Variants in NHS observed in about 807,000 individuals in gnomAD.
NHS encodes NHS actin remodeling regulator.
NHS carries 5 observed loss-of-function variants against 72.5 expected under a neutral mutation model. The ratio of observed to expected loss-of-function variants is 0.07; its 90% CI spans 0.04 to 0.14. The LOEUF is 0.14. Among genes scored for constraint, NHS ranks in the 10% least tolerant of loss-of-function variants. The probability of loss-of-function intolerance (pLI) is 1.00; values close to 1 mark genes in which losing one functional copy is unlikely to be tolerated. For missense variants in NHS, 1,072 were observed against 1,355.7 expected (o/e 0.79, Z 3.29); for synonymous variants, 464 against 547.7 (o/e 0.85, Z 2.13).
At chrX:17,485,686 C>A (rs2064964775) in intron 1 of NHS, among the ~76,000 whole-genome samples, 1 of 111,590 alleles carries the variant, frequency 9.0e-6, no homozygotes, top group African/African-American at 3.3e-5. Context: ...TTCCCAAGCC[C>A]CAGAAAAGCA....
chrX:17,711,107 A>G (rs1198965777), intron 3 of NHS, among the ~76,000 whole-genome samples: 1 of 112,434 alleles, frequency 8.9e-6, no homozygotes, highest in Non-Finnish European at 1.9e-5. Context: ...TCTTCCCTGC[A>G]CTTCAAAGCC....
intron 1 of NHS, among the ~76,000 whole-genome samples, chrX:17,546,938 G>A (rs1203113150): frequency 8.9e-6 from 1 of 112,145 alleles, no homozygotes; most frequent in Non-Finnish European, 1.9e-5. Context: ...GGTTGACCTT[G>A]ACTCAACAGA....
At chrX:17,627,675 T>C (rs923923185) in intron 1 of NHS, among the ~76,000 whole-genome samples, 1 of 112,612 alleles carries the variant, frequency 8.9e-6, no homozygotes, top group African/African-American at 3.2e-5. Flanking sequence ...TGAATGGTCT[T>C]GCTCTTAGGA....
At chrX:17,443,740 G>A (rs1347252960) in intron 1 of NHS, among the ~76,000 whole-genome samples, 1 of 112,173 alleles carries the variant, frequency 8.9e-6, no homozygotes, top group Non-Finnish European at 1.9e-5. Flanking sequence ...GTGGGTGATT[G>A]AAACCACATT....
chrX:17,416,242 A>G (rs1234122195), intron 1 of NHS, among the ~76,000 whole-genome samples: 2 of 111,384 alleles, frequency 1.8e-5, no homozygotes, highest in East Asian at 2.8e-4. Flanking sequence ...TGCTTAACAA[A>G]TGCCTATAAC....
At chrX:17,506,668 G>A (rs2146927864) in intron 1 of NHS, among the ~76,000 whole-genome samples, 1 of 111,620 alleles carries the variant, frequency 9.0e-6, no homozygotes, top group East Asian at 2.8e-4. Context: ...AATTCCTTGA[G>A]AGAGAGGGTA....
rs764716111 is a variant in NHS at position 17,718,645 on chromosome X, AGAAG to A, written c.853-689_853-686del. ...AAGGAGGGAAGGAAAAAAGGAAGGA[AGAAG>A]GAAGGAAGGGAAGTAGGAAAGGAAG... On this transcript the variant is annotated intron_variant, in intron 3 of 8. Coordinates refer to ENST00000676302, the MANE Select transcript of NHS (RefSeq NM_001291867.2). Among the ~76,000 whole-genome samples the A allele has an allele frequency of 8.5e-4, 82 of 96,449 alleles. 1 individual carries two copies. The East Asian group carries it at 0.025, about 29-fold the overall frequency. 83.8% of individuals were successfully genotyped at this position (96,449 alleles called of 115,157 possible). A position where few individuals can be genotyped will look rare whatever the true frequency, so the allele number is the denominator to read the frequency against.
At chrX:17,641,325 C>A in intron 1 of NHS, among the ~76,000 whole-genome samples, 1 of 111,664 alleles carries the variant, frequency 9.0e-6, no homozygotes, top group Non-Finnish European at 1.9e-5. Context: ...CAGGCCCAGC[C>A]ACTGATGGAC....
intron 1 of NHS, among the ~76,000 whole-genome samples, chrX:17,505,496 G>A (rs776762447): frequency 8.1e-5 from 9 of 111,698 alleles, no homozygotes; most frequent in Non-Finnish European, 1.3e-4. Flanking sequence ...TTGCTCATCC[G>A]AAATAGCTGA....
intron 1 of NHS, among the ~76,000 whole-genome samples, chrX:17,442,099 C>T (rs1265170121): frequency 8.9e-6 from 1 of 112,347 alleles, no homozygotes; most frequent in African/African-American, 3.2e-5. Flanking sequence ...CTGACATAAA[C>T]AATAAGTAAG....
chrX:17,662,890 A>G (rs1446023087), intron 1 of NHS, among the ~76,000 whole-genome samples: 1 of 112,302 alleles, frequency 8.9e-6, no homozygotes, highest in Admixed American at 9.4e-5. Context: ...TTTATTGTAA[A>G]TAGAAGCAAA....
chrX:17,689,440 T>C, intron 2 of NHS, among the ~76,000 whole-genome samples: 1 of 111,696 alleles, frequency 9.0e-6, no homozygotes. Flanking sequence ...CTTCTGAAAA[T>C]CTTTCTTTCC....
At chrX:17,397,015 A>G (rs2064478843) in intron 1 of NHS, among the ~76,000 whole-genome samples, 1 of 112,688 alleles carries the variant, frequency 8.9e-6, no homozygotes, top group African/African-American at 3.2e-5. Context: ...CTTGGCTTAC[A>G]GTACTGTTGA....
chrX:17,563,320 T>G (rs1327316120), intron 1 of NHS, among the ~76,000 whole-genome samples: 1 of 112,509 alleles, frequency 8.9e-6, no homozygotes, highest in Non-Finnish European at 1.9e-5. Context: ...TCAGTTAATG[T>G]TTAATGGGCT....
chrX:17,406,419 C>T (rs779155032), intron 1 of NHS, among the ~76,000 whole-genome samples: 3 of 111,309 alleles, frequency 2.7e-5, no homozygotes, highest in Non-Finnish European at 3.8e-5. Flanking sequence ...TCTAAACAAG[C>T]GGGTCTGCAA....
chrX:17,604,607 TA>T (rs1249620022), intron 1 of NHS, among the ~76,000 whole-genome samples: 1 of 112,076 alleles, frequency 8.9e-6, no homozygotes, highest in African/African-American at 3.2e-5. Context: ...TGACCAAGGG[TA>T]ACCAGGTATC....
chrX:17,377,131 C>T (rs938830418), intron 1 of NHS, among the ~76,000 whole-genome samples: 3 of 111,934 alleles, frequency 2.7e-5, no homozygotes, highest in African/African-American at 9.8e-5. Flanking sequence ...TCCTCCTCCC[C>T]GGTGCACTGT....
In NHS at chrX:17,375,679, T is replaced by G; in HGVS notation, c.-79T>G. ...TTTTGCCGGACTCCTGCCCCCTCCCTGCTCAGGTGGGCGCGCCCGGTCTCC... is the reference window on the plus strand; with the variant it reads ...TTTTGCCGGACTCCTGCCCCCTCCCGGCTCAGGTGGGCGCGCCCGGTCTCC... On this transcript the variant is annotated 5_prime_UTR_variant, in exon 1 of 9. Transcript: ENST00000676302. The G allele has an allele frequency of 3.7e-6, 4 of 1,078,448 alleles. No homozygotes were observed. The highest frequency in any genetic ancestry group is 5.0e-6 in the Non-Finnish European group (4 of 806,800). The allele number at this position is 1,078,448 out of a possible 1,213,427, so 88.9% of individuals were successfully genotyped here.
intron 1 of NHS, among the ~76,000 whole-genome samples, chrX:17,405,976 A>G (rs775448431): frequency 1.5e-4 from 17 of 112,513 alleles, no homozygotes; most frequent in African/African-American, 4.8e-4. Context: ...CCAGGTGGGT[A>G]GGCAGAAGCA....
Sources: gnomAD v4.1 joint callset for allele counts (sites outside exome capture counted in the v4.1 genomes callset) on GRCh38, gnomAD v4.1.1 for gene constraint, MANE v1.5 for transcripts, NCBI Gene and HGNC (gene_info 2026-07-23, HGNC 2026-07-21) for gene names.